The following WFDC2 variants were observed in gnomAD, a reference collection of about 807,000 sequenced individuals.
WFDC2 encodes the protein WAP four-disulfide core domain 2, also known as WAP four-disulfide core domain protein 2.
Under a neutral mutation model 12.5 loss-of-function variants are expected in WFDC2, and 8 were observed. The observed-to-expected ratio is 0.64, with a 90% CI of 0.37 to 1.15. The LOEUF (loss-of-function observed/expected upper bound fraction) is 1.15, where lower values mean the gene tolerates loss of function less well. Ranked by LOEUF, WFDC2 falls within the 50% of genes most tolerant of loss-of-function variation. The pLI, the probability that WFDC2 is intolerant of heterozygous loss-of-function variation, is 0.01. For synonymous variants in WFDC2, 74 were observed against 67.2 expected (o/e 1.10, Z -0.49); for missense variants, 166 against 159.9 (o/e 1.04, Z -0.21).
intron 2 of WFDC2, among the ~76,000 whole-genome samples, chr20:45,479,226 A>G (rs561198039): frequency 6.6e-6 from 1 of 152,330 alleles, no homozygotes; most frequent in South Asian, 2.1e-4. Context: ...GTATGAGTGA[A>G]GATTATAAGT....
chr20:45,473,160 T>C (rs1342560654), intron 2 of WFDC2, among the ~76,000 whole-genome samples: 1 of 152,206 alleles, frequency 6.6e-6, no homozygotes, highest in African/African-American at 2.4e-5. Flanking sequence ...TAGTTTCTTT[T>C]GCTGTGCAGA....
rs1991154489 is a variant in WFDC2, at chr20:45,470,475, G to T, written c.166G>T (p.Ala56Ser). Reference sequence around the variant, plus strand: ...AGAGTGCGTCTCGGACAGCGAATGCGCCGACAACCTCAAGTGCTGCAGCGC... The same window carrying T: ...AGAGTGCGTCTCGGACAGCGAATGCTCCGACAACCTCAAGTGCTGCAGCGC... ...TQECVSDSEC[A>S]DNLKCCSAGC... Residue 56 changes from alanine to serine, a missense_variant, in exon 2 of 4, where the codon GCC becomes TCC. Coordinates refer to ENST00000372676, the MANE Select transcript of WFDC2 (RefSeq NM_006103.4). The surrounding 1 kb of genome is among the most constrained non-coding windows in gnomAD (Gnocchi z 5.4). The T allele has an allele frequency of 6.3e-7, 1 of 1,597,264 alleles. No individual in the cohort carries two copies. The highest frequency in any genetic ancestry group is 8.5e-7 in the Non-Finnish European group (1 of 1,171,488).
intron 2 of WFDC2, among the ~76,000 whole-genome samples, chr20:45,474,383 A>G (rs1427122266): frequency 6.6e-6 from 1 of 152,166 alleles, no homozygotes; most frequent in Non-Finnish European, 1.5e-5. Flanking sequence ...GTGTTTTAGC[A>G]TGAAGGGTGT....
At chr20:45,479,362 T>C in intron 2 of WFDC2, 1 of 436,608 alleles carries the variant, frequency 2.3e-6, no homozygotes, top group Non-Finnish European at 4.2e-6. Context: ...TCTGCCTCAA[T>C]TCTGTGTGAC....
chr20:45,479,366 G>C (rs1416401745), intron 2 of WFDC2: 5 of 448,528 alleles, frequency 1.1e-5, no homozygotes, highest in African/African-American at 2.0e-5. Flanking sequence ...CCTCAATTCT[G>C]TGTGACCTTA....
At chr20:45,471,960 G>A (rs1231804304) in intron 2 of WFDC2, among the ~76,000 whole-genome samples, 2 of 152,100 alleles carry the variant, frequency 1.3e-5, no homozygotes, top group Non-Finnish European at 2.9e-5. Flanking sequence ...CATCTAAAGT[G>A]TCTATTAGTG....
At chr20:45,477,645 C>T (rs754034029) in intron 2 of WFDC2, among the ~76,000 whole-genome samples, 4 of 152,346 alleles carry the variant, frequency 2.6e-5, no homozygotes, top group Middle Eastern at 3.4e-3. Context: ...TCAGGAGACA[C>T]GGAAATCAGG....
chr20:45,479,977 T>G lies in WFDC2; in HGVS notation c.259T>G (p.Phe87Val). 6.2e-7 allele frequency: 1 copy of G among 1,614,234 alleles called. No individual in the cohort carries two copies. The highest frequency in any genetic ancestry group is 8.5e-7 in the Non-Finnish European group (1 of 1,180,046). The change falls in exon 3 of 4, where the codon TTT becomes GTT. Residue 87 changes from phenylalanine (F) to valine (V), a missense_variant. Coordinates refer to ENST00000372676, the MANE Select transcript of WFDC2 (RefSeq NM_006103.4). The part of the protein sequence containing the change: ...EGSCPQVNIN[F>V]PQLGLCRDQC... ...TTCCTGCCCCCAGGTGAACATTAAC[T>G]TTCCCCAGCTCGGCCTCTGTCGGGA... is the stretch of plus-strand genomic sequence containing the variant.
intron 3 of WFDC2, among the ~76,000 whole-genome samples, chr20:45,480,609 C>G (rs925079259): frequency 1.3e-5 from 2 of 152,168 alleles, no homozygotes; most frequent in African/African-American, 4.8e-5. Flanking sequence ...AAGAGCGAAA[C>G]TCCATCTCAA....
At chr20:45,478,542 G>A (rs910680510) in intron 2 of WFDC2, among the ~76,000 whole-genome samples, 2 of 152,166 alleles carry the variant, frequency 1.3e-5, no homozygotes, top group African/African-American at 4.8e-5. Context: ...ATTTGAAAAT[G>A]CAGAAATCAC....
At chr20:45,479,733 T>G in intron 2 of WFDC2, 3 of 1,614,046 alleles carry the variant, frequency 1.9e-6, no homozygotes, top group Non-Finnish European at 2.5e-6. Context: ...GCTGAGGTCC[T>G]GTGATTCCAT....
chr20:45,477,893 C>T (rs900642068), intron 2 of WFDC2, among the ~76,000 whole-genome samples: 10 of 152,236 alleles, frequency 6.6e-5, no homozygotes, highest in Non-Finnish European at 7.3e-5. Flanking sequence ...AGTCTGGCTA[C>T]AGCGGCTTTG....
intron 2 of WFDC2, among the ~76,000 whole-genome samples, chr20:45,478,381 A>G (rs1283116960): frequency 1.3e-5 from 2 of 152,092 alleles, no homozygotes; most frequent in African/African-American, 2.4e-5. Context: ...TCCTCACGGC[A>G]CAGTCCCTCA....
At chr20:45,469,899 C>T in intron 1 of WFDC2, 39 bp downstream of exon 1, 1 of 1,555,582 alleles carries the variant, frequency 6.4e-7, no homozygotes, top group Non-Finnish European at 8.7e-7. Flanking sequence ...CTAGAGGGGC[C>T]GAGCCACGAG....
At chr20:45,471,382 G>A (rs890472181) in intron 2 of WFDC2, 1 of 332,826 alleles carries the variant, frequency 3.0e-6, no homozygotes. Context: ...AAATGCTGAG[G>A]ATTAGAGGCA....
At chr20:45,480,434 C>T (rs949515110) in intron 3 of WFDC2, among the ~76,000 whole-genome samples, 21 of 148,596 alleles carry the variant, frequency 1.4e-4, no homozygotes, top group Admixed American at 3.4e-4. Context: ...GGAGAAACCC[C>T]GTCTCTACTA....
At chr20:45,477,305 C>T (rs1195071345) in intron 2 of WFDC2, among the ~76,000 whole-genome samples, 7 of 152,136 alleles carry the variant, frequency 4.6e-5, no homozygotes, top group South Asian at 4.1e-4. Context: ...TCCCCATCTT[C>T]GTGGATTTAT....
At chr20:45,476,737 G>T (rs1195802982) in intron 2 of WFDC2, among the ~76,000 whole-genome samples, 3 of 152,162 alleles carry the variant, frequency 2.0e-5, no homozygotes, top group Non-Finnish European at 4.4e-5. Flanking sequence ...GGTTGGGGAA[G>T]TTCTCCTGTA....
chr20:45,479,946 G>A lies in WFDC2; in HGVS notation c.228G>A (p.Lys76=). 1 of 1,614,238 alleles carries A rather than the reference G, an allele frequency of 6.2e-7. No individual in the cohort carries two copies. The highest frequency in any genetic ancestry group is 1.1e-5 in the South Asian group (1 of 91,082). The change falls in exon 3 of 4, where the codon AAG becomes AAA. Residue 76 remains lysine (K), a synonymous_variant. Transcript: ENST00000372676. ...CTTACTCCTTTTTCTACCCAGATAA[G>A]GAGGGTTCCTGCCCCCAGGTGAACA... ...CATFCSLPND[K]EGSCPQVNIN...
Sources: gnomAD v4.1 joint callset for allele counts (sites outside exome capture counted in the v4.1 genomes callset) on GRCh38, gnomAD v4.1.1 for gene constraint, Gnocchi (gnomAD v3.1) non-coding constraint, MANE v1.5 for transcripts, NCBI Gene and HGNC (gene_info 2026-07-23, HGNC 2026-07-21) for gene names.